PCLO: variants seen among roughly 807,000 people sequenced by gnomAD.
PCLO encodes piccolo presynaptic cytomatrix protein.
A neutral mutation model predicts 427.5 loss-of-function variants in PCLO; 82 were observed. That is an observed-to-expected ratio of 0.19 (90% CI 0.16 to 0.23). The LOEUF is 0.23. Ranked by LOEUF, PCLO falls within the 10% of genes least tolerant of loss-of-function variation. The pLI is 1.00. For missense variants in PCLO, 6,239 were observed against 6,115.9 expected, an observed-to-expected ratio of 1.02 and a Z score of -0.67; for synonymous variants, 2,357 against 2,155.4, an observed-to-expected ratio of 1.09 and a Z score of -2.59.
intron 19 of PCLO, among the ~76,000 whole-genome samples, chr7:82,823,608 G>C (rs751808298): frequency 6.6e-6 from 1 of 152,036 alleles, no homozygotes; most frequent in Non-Finnish European, 1.5e-5. Context: ...TGAGAGTGCT[G>C]TACATATTTG....
At chr7:83,147,202 G>T (rs1170048274) in intron 2 of PCLO, among the ~76,000 whole-genome samples, 2 of 151,918 alleles carry the variant, frequency 1.3e-5, no homozygotes, top group African/African-American at 4.8e-5. Flanking sequence ...AGAAAACAGT[G>T]CAAACTGGAT....
intron 22 of PCLO, among the ~76,000 whole-genome samples, chr7:82,779,534 C>A (rs1790824696): frequency 6.6e-6 from 1 of 151,928 alleles, no homozygotes; most frequent in South Asian, 2.1e-4. Flanking sequence ...TTTCATTGTA[C>A]TTTTTCTACT....
chr7:82,958,345 CCTT>C (rs924580808), intron 4 of PCLO, among the ~76,000 whole-genome samples: 2 of 145,232 alleles, frequency 1.4e-5, no homozygotes, highest in Non-Finnish European at 3.0e-5. Flanking sequence ...TTCCTTCCTC[CCTT>C]CTTCCTTCCT....
intron 2 of PCLO, among the ~76,000 whole-genome samples, chr7:83,151,964 T>C (rs979563315): frequency 3.5e-5 from 5 of 143,230 alleles, no homozygotes; most frequent in African/African-American, 1.0e-4. Flanking sequence ...ACAAACTTAC[T>C]TTTTTTTTTT....
At chr7:82,872,030 G>T (rs1793250895) in intron 10 of PCLO, among the ~76,000 whole-genome samples, 1 of 151,764 alleles carries the variant, frequency 6.6e-6, no homozygotes, top group South Asian at 2.1e-4. Flanking sequence ...AAGAAAAAAA[G>T]AATAATATAT....
At chr7:82,815,264 G>A (rs1791654351) in intron 20 of PCLO, among the ~76,000 whole-genome samples, 1 of 151,870 alleles carries the variant, frequency 6.6e-6, no homozygotes, top group Non-Finnish European at 1.5e-5. Flanking sequence ...TAATTGGCAG[G>A]CATAAAATAA....
At chr7:83,054,974 T>C (rs1789342369) in intron 3 of PCLO, among the ~76,000 whole-genome samples, 1 of 152,122 alleles carries the variant, frequency 6.6e-6, no homozygotes. Context: ...AGGTATCTTG[T>C]ATATTTTTAT....
rs565043556 is a variant in PCLO, at chr7:82,806,850, A to G, written c.14792-1021T>C. On this transcript the variant is annotated intron_variant, in intron 20 of 24. Transcript: ENST00000333891. ...GTAACTTACTCTTCTTCCTCTTGTG[A>G]TATTATTTGCCACATCACCACTCTT... 5.9e-4 allele frequency among the ~76,000 whole-genome samples: 90 copies of G among 152,272 alleles called. 1 individual carries two copies. Among genetic ancestry groups the G allele is most frequent in the African/African-American group, 2.1e-3 (89 of 41,560 alleles).
chr7:83,071,258 C>G (rs556997679), intron 3 of PCLO, among the ~76,000 whole-genome samples: 1 of 152,064 alleles, frequency 6.6e-6, no homozygotes, highest in Non-Finnish European at 1.5e-5. Context: ...TACTTTCTGC[C>G]TCTATGAATA....
chr7:82,963,151 A>G (rs1279000395), intron 4 of PCLO, among the ~76,000 whole-genome samples: 5 of 152,058 alleles, frequency 3.3e-5, no homozygotes, highest in South Asian at 2.1e-4. Flanking sequence ...TATAATGTGG[A>G]AACAGCTCTT....
intron 3 of PCLO, among the ~76,000 whole-genome samples, chr7:83,131,118 C>CT (rs1330021053): frequency 6.6e-6 from 1 of 152,170 alleles, no homozygotes; most frequent in African/African-American, 2.4e-5. Flanking sequence ...GTAAGACCAG[C>CT]TTTTTAAGAA....
chr7:82,864,977 C>T (rs1211312467), intron 10 of PCLO, among the ~76,000 whole-genome samples: 3 of 152,074 alleles, frequency 2.0e-5, no homozygotes, highest in South Asian at 4.1e-4. Context: ...TTAATGCAAA[C>T]TGTCTAAGCA....
chr7:82,958,383 T>A (rs914659187), intron 4 of PCLO, among the ~76,000 whole-genome samples: 1 of 147,788 alleles, frequency 6.8e-6, no homozygotes, highest in Non-Finnish European at 1.5e-5. Context: ...CCTCTCCCCA[T>A]CCTTCCCTCC....
At chr7:83,058,961 C>G (rs1022309695) in intron 3 of PCLO, among the ~76,000 whole-genome samples, 4 of 151,948 alleles carry the variant, frequency 2.6e-5, no homozygotes, top group African/African-American at 9.7e-5. Flanking sequence ...TCCTCTCCCC[C>G]CTCCTTAAAA....
At position 82,916,492 on chromosome 7, in the gene PCLO, C is replaced by T. The variant is rs553659816; in HGVS notation, c.11494G>A (p.Asp3832Asn). 6 of 1,613,676 alleles carry T rather than the reference C, an allele frequency of 3.7e-6. No homozygotes were observed. In the East Asian group the frequency reaches 1.3e-4, roughly 36 times the overall value. Residue 3832 changes from aspartate (D) to asparagine (N), a missense_variant, in exon 7 of 25, where the codon GAT becomes AAT. This residue lies in a region of PCLO where 680 missense variants were observed against 677.3 expected (regional missense o/e 1.00). Transcript: ENST00000333891. ...AYLQGVAEDR[D>N]YMSDSEVSST... The stretch of plus-strand genomic sequence containing the variant: ...CTCACTTCACTGTCAGACATGTAAT[C>T]ACGATCCTCAGCTACTCCCTGGAGG...
intron 2 of PCLO, among the ~76,000 whole-genome samples, chr7:83,136,059 T>C (rs898253736): frequency 2.0e-5 from 3 of 151,808 alleles, no homozygotes; most frequent in East Asian, 1.9e-4. Flanking sequence ...GATCGCGCCA[T>C]TGCACTCCAA....
rs748619847 is a variant in PCLO at position 82,955,164 on chromosome 7, G to C, written c.5789C>G (p.Ala1930Gly). 6.2e-7 allele frequency: 1 copy of C among 1,613,754 alleles called. No homozygotes were observed. The highest frequency in any genetic ancestry group is 1.1e-5 in the South Asian group (1 of 91,080). ...ATCTCGTTCATTTGCAGCTGGAAAA[G>C]CTTTGTATTTGTGTGTTTTATGCAT... ...EMMHKTHKYKAFPAANERDEV... is the reference protein window; with the variant it reads ...EMMHKTHKYKGFPAANERDEV... Residue 1930 changes from alanine (A) to glycine (G), a missense_variant, in exon 5 of 25, where the codon GCT becomes GGT. Ala to Gly is a moderately conservative substitution (Grantham distance 60). Around this residue, in one of 5 missense-constraint regions of PCLO, gnomAD observed 4,677 missense variants for 4,468.4 expected, o/e 1.05. Transcript: ENST00000333891.
chr7:83,041,528 A>G (rs1259430645), intron 3 of PCLO, among the ~76,000 whole-genome samples: 5 of 152,214 alleles, frequency 3.3e-5, no homozygotes, highest in Non-Finnish European at 5.9e-5. Context: ...TAACCAAATT[A>G]TATATCATAG....
At chr7:82,826,781 TA>T in intron 17 of PCLO, 121 bp from the exon 18 acceptor site, 1 of 497,362 alleles carries the variant, frequency 2.0e-6, no homozygotes, top group Admixed American at 3.8e-5. Flanking sequence ...TGAAAATACT[TA>T]AAATTTTACC....
Sources: allele counts gnomAD v4.1 joint callset (sites outside exome capture counted in the v4.1 genomes callset), GRCh38; gene constraint gnomAD v4.1.1; regional missense constraint gnomAD v4.1.1; transcripts MANE v1.5; gene names NCBI Gene and HGNC (gene_info 2026-07-23, HGNC 2026-07-21).